The following TENM3 variants were observed in gnomAD, a reference collection of about 807,000 sequenced individuals.
TENM3 encodes the protein teneurin-3.
A neutral mutation model predicts 255.1 loss-of-function variants in TENM3; 63 were observed. The ratio of observed to expected loss-of-function variants is 0.25; its 90% CI spans 0.20 to 0.30. The LOEUF (loss-of-function observed/expected upper bound fraction) is 0.30. Among genes scored for constraint, TENM3 ranks in the 10% least tolerant of loss-of-function variants. TENM3 has a pLI of 1.00. For missense variants in TENM3, 2,929 were observed against 3,461.1 expected, an observed-to-expected ratio of 0.85 and a Z score of 3.86; for synonymous variants, 1,306 against 1,322.3, an observed-to-expected ratio of 0.99 and a Z score of 0.27.
the TENM3 span, among the ~76,000 whole-genome samples, chr4:181,470,056 C>T: frequency 6.8e-6 from 1 of 146,146 alleles, no homozygotes. Flanking sequence ...CTTCTCTCTG[C>T]CAATTCACAG....
Position 182,800,295 on chromosome 4 carries a change from G to A in TENM3, c.8044G>A (p.Ala2682Thr). ...CTCGGTGGAGCAGTACCCCGAGCTG[G>A]CCGACAGCGCCAACAACATCCAGTT... ...VLSVEQYPEL[A>T]DSANNIQFLR... Residue 2682 changes from alanine (A) to threonine (T), a missense_variant, in exon 28 of 28, where the codon GCC becomes ACC. Physicochemically the swap from Ala to Thr is moderately conservative, Grantham distance 58 (BLOSUM62 0). Coordinates refer to ENST00000511685, the MANE Select transcript of TENM3 (RefSeq NM_001080477.4). The A allele has an allele frequency of 6.3e-7, 1 of 1,577,148 alleles. No individual in the cohort carries two copies. The highest frequency in any genetic ancestry group is 8.5e-7 in the Non-Finnish European group (1 of 1,170,212).
intron 3 of TENM3, among the ~76,000 whole-genome samples, chr4:182,549,697 T>C (rs1389987256): frequency 6.6e-6 from 1 of 152,192 alleles, no homozygotes; most frequent in Non-Finnish European, 1.5e-5. Flanking sequence ...GTATTTTCTT[T>C]CAAAATATCA....
the TENM3 span, among the ~76,000 whole-genome samples, chr4:181,641,843 T>TGC: frequency 2.3e-3 from 237 of 102,438 alleles, 1 homozygote; most frequent in South Asian, 5.9e-3. Flanking sequence ...TATATATATA[T>TGC]GCCACATTTT....
At chr4:181,614,487 C>A in the TENM3 span, among the ~76,000 whole-genome samples, 1 of 152,164 alleles carries the variant, frequency 6.6e-6, no homozygotes, top group African/African-American at 2.4e-5. Context: ...AGATGAGACC[C>A]AAGAACCTGG....
the TENM3 span, among the ~76,000 whole-genome samples, chr4:181,641,554 G>GTATATATATATATATATATATA: frequency 3.7e-5 from 1 of 26,912 alleles, no homozygotes; most frequent in Non-Finnish European, 6.5e-5. Flanking sequence ...TGGTGTGTGT[G>GTATATATATATATATATATATA]TATATATATA....
the TENM3 span, among the ~76,000 whole-genome samples, chr4:181,551,836 ATATG>A: frequency 2.0e-4 from 4 of 20,382 alleles, no homozygotes; most frequent in African/African-American, 3.3e-4. Flanking sequence ...ATATATATGT[ATATG>A]TGTGTGTGTG....
chr4:182,087,580 G>C, the TENM3 span, among the ~76,000 whole-genome samples: 3 of 152,132 alleles, frequency 2.0e-5, no homozygotes, highest in Non-Finnish European at 2.9e-5. Flanking sequence ...AAGGATGGAA[G>C]TCTGAGAGGC....
At chr4:181,947,185 A>G in the TENM3 span, among the ~76,000 whole-genome samples, 1 of 152,214 alleles carries the variant, frequency 6.6e-6, no homozygotes, top group African/African-American at 2.4e-5. Flanking sequence ...ATCACACGAG[A>G]CAGTGTATGT....
At chr4:182,245,271 T>A (rs1406788709) in intron 1 of TENM3, among the ~76,000 whole-genome samples, 3 of 152,048 alleles carry the variant, frequency 2.0e-5, no homozygotes, top group Admixed American at 1.3e-4. Flanking sequence ...CTTGAGAGAG[T>A]GGCTCCAGCA....
chr4:182,516,636 A>G (rs1239547076), intron 3 of TENM3, among the ~76,000 whole-genome samples: 1 of 152,220 alleles, frequency 6.6e-6, no homozygotes, highest in Non-Finnish European at 1.5e-5. Flanking sequence ...CATGCCTGTA[A>G]TCCCAGCACT....
the TENM3 span, among the ~76,000 whole-genome samples, chr4:181,636,814 C>T: frequency 6.6e-6 from 1 of 152,210 alleles, no homozygotes; most frequent in Non-Finnish European, 1.5e-5. Context: ...TGTCACTGCT[C>T]TTCTGTTTAG....
chr4:181,787,521 G>A, the TENM3 span, among the ~76,000 whole-genome samples: 1 of 151,960 alleles, frequency 6.6e-6, no homozygotes. Context: ...CATATTTTTA[G>A]TAGAGATGAG....
At chr4:182,636,196 G>GA (rs1470127291) in intron 5 of TENM3, among the ~76,000 whole-genome samples, 1 of 151,970 alleles carries the variant, frequency 6.6e-6, no homozygotes, top group Non-Finnish European at 1.5e-5. Flanking sequence ...CACATTGTAG[G>GA]AAAAAATGTG....
chr4:182,442,501 C>A (rs1478533561), intron 3 of TENM3, among the ~76,000 whole-genome samples: 1 of 152,192 alleles, frequency 6.6e-6, no homozygotes, highest in African/African-American at 2.4e-5. Context: ...ATAATTCTTC[C>A]TTTCTAAACA....
the TENM3 span, among the ~76,000 whole-genome samples, chr4:181,832,108 G>C: frequency 6.6e-6 from 1 of 151,684 alleles, no homozygotes; most frequent in African/African-American, 2.4e-5. Context: ...GTAATTATAT[G>C]GGAGGAAATT....
chr4:182,555,094 G>A (rs7674760), intron 3 of TENM3, among the ~76,000 whole-genome samples: 51,102 of 151,976 alleles, frequency 0.34, 9,803 homozygotes, highest in African/African-American at 0.52. Context: ...GGCCATGTGA[G>A]TGCATGCTGA....
At chr4:182,217,928 GATAA>G (rs533719059) in intron 1 of TENM3, among the ~76,000 whole-genome samples, 5 of 152,316 alleles carry the variant, frequency 3.3e-5, no homozygotes, top group Non-Finnish European at 5.9e-5. Flanking sequence ...TATCAATGGT[GATAA>G]ATAGTTTCCT....
chr4:182,386,871 A>G (rs1767976205), intron 3 of TENM3, among the ~76,000 whole-genome samples: 1 of 152,178 alleles, frequency 6.6e-6, no homozygotes, highest in Admixed American at 6.5e-5. Flanking sequence ...AGCCTCCCCG[A>G]CGAATGCCGC....
intron 3 of TENM3, among the ~76,000 whole-genome samples, chr4:182,389,840 C>CAT (rs1293851212): frequency 1.3e-5 from 2 of 152,032 alleles, no homozygotes; most frequent in Non-Finnish European, 2.9e-5. Flanking sequence ...CGCCCGCCAC[C>CAT]ACTCCCGGCT....
Sources: allele counts gnomAD v4.1 joint callset (sites outside exome capture counted in the v4.1 genomes callset), GRCh38; gene constraint gnomAD v4.1.1; transcripts MANE v1.5; gene names NCBI Gene and HGNC (gene_info 2026-07-23, HGNC 2026-07-21).